The following MBIP variants were observed in gnomAD, a reference collection of about 807,000 sequenced individuals.
MBIP encodes the protein MAP3K12 binding inhibitory protein 1, also known as MAP3K12-binding inhibitory protein 1.
A neutral mutation model predicts 45.7 loss-of-function variants in MBIP; 32 were observed. The ratio of observed to expected loss-of-function variants is 0.70; its 90% CI spans 0.53 to 0.94. The LOEUF is 0.94. MBIP is among the 40% of genes least tolerant of loss of function. The pLI, the probability that MBIP is intolerant of heterozygous loss-of-function variation, is 0.00. For missense variants in MBIP, 381 were observed against 405.5 expected, an observed-to-expected ratio of 0.94 and a Z score of 0.52; for synonymous variants, 145 against 141.0, an observed-to-expected ratio of 1.03 and a Z score of -0.20.
intron 7 of MBIP, among the ~76,000 whole-genome samples, chr14:36,303,939 C>CA (rs11397698): frequency 0.052 from 7,928 of 152,262 alleles, 642 homozygotes; most frequent in African/African-American, 0.18. Flanking sequence ...CTCTCCAACT[C>CA]AGACTTCATA....
chr14:36,308,034 C>T (rs540297691), intron 7 of MBIP, 58 bp downstream of exon 7: 1 of 964,602 alleles, frequency 1.0e-6, no homozygotes, highest in South Asian at 1.5e-5. Context: ...TGTTAAACCA[C>T]AAAGAATCCA....
At chr14:36,306,777 G>C (rs1387002069) in intron 7 of MBIP, among the ~76,000 whole-genome samples, 1 of 152,080 alleles carries the variant, frequency 6.6e-6, no homozygotes, top group Non-Finnish European at 1.5e-5. Flanking sequence ...AGTTAGAATG[G>C]GAAAAACTTA....
chr14:36,320,303 C>G (rs539359426), intron 1 of MBIP, 157 bp downstream of exon 1: 4 of 971,268 alleles, frequency 4.1e-6, no homozygotes, highest in Admixed American at 2.4e-5. Flanking sequence ...TCACTCCGAC[C>G]GAGGAGGCTG....
intron 6 of MBIP, among the ~76,000 whole-genome samples, chr14:36,309,117 A>C (rs1447282111): frequency 3.3e-5 from 5 of 152,160 alleles, no homozygotes; most frequent in Non-Finnish European, 7.4e-5. Flanking sequence ...GCACCCTGTA[A>C]GCTTCAGCTG....
chr14:36,320,238 C>T (rs1880810686), intron 1 of MBIP, among the ~76,000 whole-genome samples: 1 of 150,922 alleles, frequency 6.6e-6, no homozygotes, highest in South Asian at 2.2e-4. Context: ...CTCACCCACT[C>T]TTGGGGAGGA....
chr14:36,316,894 T>C, intron 1 of MBIP, 82 bp from the exon 2 acceptor site: 1 of 1,428,488 alleles, frequency 7.0e-7, no homozygotes, highest in Non-Finnish European at 9.4e-7. Context: ...ATAAGATTTC[T>C]AGAGTAACGG....
At chr14:36,309,348 T>C (rs1264773610) in intron 6 of MBIP, among the ~76,000 whole-genome samples, 1 of 152,210 alleles carries the variant, frequency 6.6e-6, no homozygotes, top group East Asian at 1.9e-4. Flanking sequence ...CATTCTAATA[T>C]AAGCTCCAAG....
intron 1 of MBIP, chr14:36,319,493 TA>T (rs1262545089): frequency 5.7e-6 from 2 of 351,622 alleles, no homozygotes; most frequent in African/African-American, 4.4e-5. Flanking sequence ...TTAAAAATAG[TA>T]ACTTCTTAAA....
chr14:36,300,638 G>A (rs2139193282), intron 8 of MBIP, 147 bp downstream of exon 8: 1 of 517,812 alleles, frequency 1.9e-6, no homozygotes, highest in South Asian at 3.5e-5. Context: ...CTATTCAACT[G>A]TATTAGTTTA....
chr14:36,300,790 G>A lies in MBIP; in HGVS notation c.922C>T (p.Pro308Ser), dbSNP rs771363523. ...ATGAAAATGCAGTAACTTACTTGAG[G>A]TGGTTGAACTTTTCTTCTTTTTCCA... ...FSGKRRKVQP[P>S]QQNYSLAELD... The change falls in exon 8 of 9, where the codon CCT (proline) becomes TCT (serine). Residue 308 changes from proline (P) to serine (S), a missense_variant. Coordinates refer to ENST00000416007, the MANE Select transcript of MBIP (RefSeq NM_016586.3). 7.7e-6 allele frequency: 12 copies of A among 1,555,104 alleles called. No homozygotes were observed. Among genetic ancestry groups the A allele is most frequent in the South Asian group, 1.2e-5 (1 of 83,220 alleles).
intron 1 of MBIP, among the ~76,000 whole-genome samples, chr14:36,319,417 G>C (rs188752302): frequency 6.6e-6 from 1 of 152,126 alleles, no homozygotes; most frequent in African/African-American, 2.4e-5. Context: ...ATTAATAACT[G>C]CGTCATTTCA....
At chr14:36,311,476 G>T (rs1349745185) in intron 6 of MBIP, 97 bp downstream of exon 6, 2 of 1,136,964 alleles carry the variant, frequency 1.8e-6, no homozygotes, top group Admixed American at 2.2e-5. Flanking sequence ...TTCAAGAAAT[G>T]TTAGGAGCTA....
At chr14:36,319,423 T>TTAATAACTCCA (rs1386541523) in intron 1 of MBIP, among the ~76,000 whole-genome samples, 1 of 152,212 alleles carries the variant, frequency 6.6e-6, no homozygotes, top group African/African-American at 2.4e-5. Context: ...AACTGCGTCA[T>TTAATAACTCCA]TTCATAAAAC....
chr14:36,315,959 G>C (rs2139234177), intron 2 of MBIP, among the ~76,000 whole-genome samples: 1 of 151,806 alleles, frequency 6.6e-6, no homozygotes, highest in South Asian at 2.1e-4. Context: ...TTATCTTTTT[G>C]ACACTTCACA....
intron 6 of MBIP, 58 bp downstream of exon 6, chr14:36,311,515 C>T: frequency 6.6e-7 from 1 of 1,515,534 alleles, no homozygotes; most frequent in Non-Finnish European, 8.9e-7. Flanking sequence ...AAATGAACTG[C>T]AATTTTTTAA....
At chr14:36,303,200 T>C (rs1879674990) in intron 7 of MBIP, among the ~76,000 whole-genome samples, 1 of 152,174 alleles carries the variant, frequency 6.6e-6, no homozygotes, top group Non-Finnish European at 1.5e-5. Flanking sequence ...CATAACCCCA[T>C]CTGTATAGAA....
intron 2 of MBIP, among the ~76,000 whole-genome samples, chr14:36,315,447 T>C (rs1171249752): frequency 1.3e-5 from 2 of 152,026 alleles, no homozygotes; most frequent in Admixed American, 1.3e-4. Context: ...AGCATAGACA[T>C]GAAATATATA....
chr14:36,302,316 C>T (rs1033769796), intron 7 of MBIP, among the ~76,000 whole-genome samples: 4 of 152,000 alleles, frequency 2.6e-5, no homozygotes, highest in African/African-American at 9.7e-5. Context: ...CATGGTGAAA[C>T]CCAGTCTCTA....
Position 36,314,827 on chromosome 14 carries a change from T to C in MBIP, c.338A>G (p.Asn113Ser). Residue 113 changes from asparagine (N) to serine (S), a missense_variant, in exon 3 of 9, where the codon AAT (asparagine) becomes AGT (serine). Transcript: ENST00000416007. Reference protein sequence around the residue: ...EIGRTEMGNKNEVNDKFSIGD... With the variant: ...EIGRTEMGNKSEVNDKFSIGD... ...AATGGAAAATTTGTCATTTACTTCATTTTTGTTCCCCATTTCTGTTCTTCC... is the reference window on the plus strand; with the variant it reads ...AATGGAAAATTTGTCATTTACTTCACTTTTGTTCCCCATTTCTGTTCTTCC... 1 of 1,613,514 alleles carries C rather than the reference T, an allele frequency of 6.2e-7. No homozygotes were observed. Among genetic ancestry groups the C allele is most frequent in the Admixed American group, 1.7e-5 (1 of 59,950 alleles).
Sources: gnomAD v4.1 joint callset for allele counts (sites outside exome capture counted in the v4.1 genomes callset) on GRCh38, gnomAD v4.1.1 for gene constraint, MANE v1.5 for transcripts, NCBI Gene and HGNC (gene_info 2026-07-23, HGNC 2026-07-21) for gene names.